Variants in CPXM2 observed in about 807,000 individuals in gnomAD.
CPXM2 encodes the protein carboxypeptidase X, M14 family member 2.
In CPXM2, 66 loss-of-function variants were observed where a neutral mutation model predicts 86.1. That is an observed-to-expected ratio of 0.77 (90% confidence interval 0.63 to 0.94). CPXM2 has a LOEUF of 0.94. Among genes scored for constraint, CPXM2 ranks in the 40% least tolerant of loss-of-function variants. CPXM2 has a pLI of 0.00. For synonymous variants in CPXM2, 388 were observed against 400.2 expected (o/e 0.97, Z 0.36); for missense variants, 948 against 1,026.3 (o/e 0.92, Z 1.04).
At chr10:123,913,785 G>T (rs973228423) in intron 2 of CPXM2, 2 of 298,358 alleles carry the variant, frequency 6.7e-6, no homozygotes, top group African/African-American at 4.4e-5. Context: ...CTCCAGGTCC[G>T]CAGAGATAAA....
At chr10:123,762,876 C>T (rs1489848137) in intron 10 of CPXM2, among the ~76,000 whole-genome samples, 2 of 152,228 alleles carry the variant, frequency 1.3e-5, no homozygotes, top group Non-Finnish European at 2.9e-5. Context: ...TATTGGAAAT[C>T]ATTTCACCAT....
chr10:123,774,790 C>T (rs1047725087), intron 7 of CPXM2, among the ~76,000 whole-genome samples: 4 of 152,160 alleles, frequency 2.6e-5, no homozygotes, highest in African/African-American at 4.8e-5. Flanking sequence ...CCATCATAAA[C>T]GGAGAAGCAA....
At chr10:123,897,722 G>A (rs531708208) in intron 2 of CPXM2, among the ~76,000 whole-genome samples, 12 of 152,296 alleles carry the variant, frequency 7.9e-5, no homozygotes, top group East Asian at 3.9e-4. Context: ...CATGAAGCCC[G>A]AAAGACAAGA....
intron 8 of CPXM2, among the ~76,000 whole-genome samples, chr10:123,769,140 T>C (rs1846565902): frequency 1.3e-5 from 2 of 152,178 alleles, no homozygotes; most frequent in African/African-American, 2.4e-5. Flanking sequence ...GAATAGTCCA[T>C]CAGGGCAAAT....
rs779323414 is a variant in CPXM2, at chr10:123,757,219, C to T, written c.1911G>A (p.Met637Ile). The change falls in exon 12 of 14, where the codon ATG (methionine) becomes ATA (isoleucine). Residue 637 changes from methionine (M) to isoleucine (I), a missense_variant. Met to Ile is a conservative substitution (Grantham distance 10, BLOSUM62 1). Transcript: ENST00000241305. ...ENNRESLIVFMEQVHRGIKGL... is the reference protein window; with the variant it reads ...ENNRESLIVFIEQVHRGIKGL... ...CCACACACCCGCAATATACCTGCTC[C>T]ATGAACACGATCAGAGATTCCCGGT... 2 of 1,614,088 alleles carry T rather than the reference C, an allele frequency of 1.2e-6. No homozygotes were observed. Among genetic ancestry groups the T allele is most frequent in the South Asian group, 1.1e-5 (1 of 91,060 alleles).
At position 123,799,189 on chromosome 10, in the gene CPXM2, C is replaced by A. The variant is rs755474622; in HGVS notation, c.664G>T (p.Val222Leu). The change falls in exon 5 of 14, where the codon GTG (valine) becomes TTG (leucine). Residue 222 changes from valine (V) to leucine (L), a missense_variant. Coordinates refer to ENST00000241305, the MANE Select transcript of CPXM2 (RefSeq NM_198148.3). ...GRNSLWLSDWVTSYKVMVSND... is the reference protein window; with the variant it reads ...GRNSLWLSDWLTSYKVMVSND... ...CTCACCATGACCTTATAGGATGTCA[C>A]CCAGTCACTCCTATGAGAAAATAAA... 1.2e-6 allele frequency: 2 copies of A among 1,613,950 alleles called. No homozygotes were observed. Among genetic ancestry groups the A allele is most frequent in the Non-Finnish European group, 1.7e-6 (2 of 1,180,014 alleles).
rs1945171801 is a variant in CPXM2 at position 123,885,930 on chromosome 10, G to A, written c.304+5426C>T. On this transcript the variant is annotated intron_variant, in intron 1 of 13. Coordinates refer to ENST00000241305, the MANE Select transcript of CPXM2 (RefSeq NM_198148.3). This position sits in a 1 kb window ranked among gnomAD's most constrained non-coding sequence, Gnocchi z 4.0. ...TTTAAGAACCACAGCATGCAGTCCA[G>A]CTTTCGCAAACGTGGGTGTGTCCTC... 6.6e-6 allele frequency among the ~76,000 whole-genome samples: 1 copy of A among 152,246 alleles called. No individual in the cohort carries two copies. The highest frequency in any genetic ancestry group is 1.5e-5 in the Non-Finnish European group (1 of 68,038).
intron 2 of CPXM2, among the ~76,000 whole-genome samples, chr10:123,911,109 A>G (rs947390942): frequency 2.0e-5 from 3 of 152,182 alleles, no homozygotes; most frequent in Non-Finnish European, 4.4e-5. Flanking sequence ...CCCTATTTCC[A>G]TATAAGGTCA....
intron 2 of CPXM2, among the ~76,000 whole-genome samples, chr10:123,871,558 T>C (rs1211012202): frequency 1.3e-5 from 2 of 152,186 alleles, no homozygotes; most frequent in Admixed American, 6.5e-5. Context: ...TCCTTAATGT[T>C]TTTATTTAAA....
chr10:123,927,426 A>G (rs566817288), intron 2 of CPXM2, among the ~76,000 whole-genome samples: 76 of 152,368 alleles, frequency 5.0e-4, no homozygotes, highest in Non-Finnish European at 9.8e-4. Context: ...ACATAGGCTT[A>G]TCTCATGCCA....
intron 2 of CPXM2, among the ~76,000 whole-genome samples, chr10:123,920,312 T>C (rs1945570052): frequency 6.6e-6 from 1 of 152,102 alleles, no homozygotes; most frequent in Admixed American, 6.5e-5. Context: ...GCAAATGAAA[T>C]AAAGATATAT....
intron 2 of CPXM2, among the ~76,000 whole-genome samples, chr10:123,924,847 T>C (rs79058640): frequency 6.6e-6 from 1 of 152,180 alleles, no homozygotes; most frequent in African/African-American, 2.4e-5. Flanking sequence ...CCATAGGATT[T>C]AGGAGCTCTG....
intron 6 of CPXM2, among the ~76,000 whole-genome samples, chr10:123,789,457 G>A (rs1318434615): frequency 6.6e-6 from 1 of 152,228 alleles, no homozygotes; most frequent in African/African-American, 2.4e-5. Flanking sequence ...TTGACTGGCA[G>A]GGAAGCTGTC....
intron 2 of CPXM2, among the ~76,000 whole-genome samples, chr10:123,905,185 A>C (rs370867959): frequency 2.0e-5 from 3 of 152,220 alleles, no homozygotes; most frequent in African/African-American, 7.2e-5. Flanking sequence ...GCCTTTCAGC[A>C]AGGAAAAAGA....
intron 3 of CPXM2, among the ~76,000 whole-genome samples, chr10:123,859,956 T>G (rs889790711): frequency 7.2e-5 from 11 of 152,092 alleles, no homozygotes; most frequent in African/African-American, 2.7e-4. Flanking sequence ...GGTCAGTGAA[T>G]AAACACCATC....
intron 10 of CPXM2, among the ~76,000 whole-genome samples, chr10:123,764,590 G>A (rs571651205): frequency 3.9e-5 from 6 of 152,068 alleles, no homozygotes; most frequent in Admixed American, 3.3e-4. Flanking sequence ...AGGTTAAAGC[G>A]ATCCTCCTAC....
chr10:123,873,580 T>A (rs1944928466), intron 2 of CPXM2, among the ~76,000 whole-genome samples: 1 of 152,200 alleles, frequency 6.6e-6, no homozygotes, highest in Non-Finnish European at 1.5e-5. Flanking sequence ...AACACAACTT[T>A]TAAAGAAGAA....
intron 1 of CPXM2, 112 bp from the exon 2 acceptor site, chr10:123,880,421 C>T (rs1945064066): frequency 3.0e-6 from 2 of 658,396 alleles, no homozygotes; most frequent in Non-Finnish European, 2.8e-6. Flanking sequence ...TTCTGCTCCC[C>T]TGTCCCTAAA....
chr10:123,794,069 G>A (rs867896455), intron 6 of CPXM2, among the ~76,000 whole-genome samples: 2 of 152,248 alleles, frequency 1.3e-5, no homozygotes, highest in African/African-American at 2.4e-5. Context: ...CAGGAGGAAG[G>A]ATACAGTGTG....
Sources: gnomAD v4.1 joint callset for allele counts (sites outside exome capture counted in the v4.1 genomes callset) on GRCh38, gnomAD v4.1.1 for gene constraint, Gnocchi (gnomAD v3.1) non-coding constraint, MANE v1.5 for transcripts, NCBI Gene and HGNC (gene_info 2026-07-23, HGNC 2026-07-21) for gene names.